GSAP: variants seen among roughly 807,000 people sequenced by gnomAD.
GSAP encodes gamma-secretase-activating protein.
In GSAP, 118 loss-of-function variants were observed where a neutral mutation model predicts 131.7. The observed-to-expected ratio is 0.90, with a 90% confidence interval of 0.77 to 1.04. GSAP has a LOEUF of 1.04. Ranked by LOEUF, GSAP falls within the 50% of genes least tolerant of loss-of-function variation. The pLI, the probability that GSAP is intolerant of heterozygous loss-of-function variation, is 0.00. For synonymous variants in GSAP, 381 were observed against 363.4 expected (o/e 1.05, Z -0.55); for missense variants, 1,019 against 1,013.2 (o/e 1.01, Z -0.08).
chr7:77,367,946 A>G (rs879767552), intron 12 of GSAP, among the ~76,000 whole-genome samples: 1 of 152,194 alleles, frequency 6.6e-6, no homozygotes, highest in Non-Finnish European at 1.5e-5. Flanking sequence ...GTTTGTGTCC[A>G]GGAATTTATC....
At chr7:77,321,238 C>T (rs1787600775) in intron 25 of GSAP, 95 bp downstream of exon 25, 2 of 773,904 alleles carry the variant, frequency 2.6e-6, no homozygotes, top group African/African-American at 3.4e-5. Context: ...CTGGTGAGAA[C>T]TGATTTGAAC....
chr7:77,353,084 C>T (rs1584437222), intron 17 of GSAP, 58 bp from the exon 18 acceptor site: 2 of 955,406 alleles, frequency 2.1e-6, no homozygotes, highest in East Asian at 4.8e-5. Flanking sequence ...AAGATGATGA[C>T]AGCATTGTAA....
In GSAP at chr7:77,322,185, T is replaced by C. The variant is rs182259217; in HGVS notation, c.1924-782A>G. ...CTTGATACAGATCCTCAGTTTCTCT[T>C]TGGCTGAAATTAAGTAAGTTAACAT... On this transcript the variant is annotated intron_variant, in intron 24 of 30. Coordinates refer to ENST00000257626, the MANE Select transcript of GSAP (RefSeq NM_017439.4). 4.6e-5 allele frequency among the ~76,000 whole-genome samples: 7 copies of C among 152,344 alleles called. No individual in the cohort carries two copies. In the East Asian group the frequency reaches 1.2e-3, roughly 25 times the overall value.
chr7:77,331,910 AAGAC>A (rs1380110270), intron 19 of GSAP: 2 of 151,838 alleles, frequency 1.3e-5, no homozygotes, highest in East Asian at 1.9e-4. Context: ...AAAAAAAAAA[AAGAC>A]AAGACAAATC....
chr7:77,406,795 G>A (rs1035169813), intron 1 of GSAP, among the ~76,000 whole-genome samples: 2 of 152,190 alleles, frequency 1.3e-5, no homozygotes, highest in African/African-American at 2.4e-5. Context: ...GCAGGATCAC[G>A]GATACAGGAG....
chr7:77,351,467 T>G (rs1349931290), intron 18 of GSAP: 66 of 974,714 alleles, frequency 6.8e-5, no homozygotes, highest in Non-Finnish European at 7.7e-5. Flanking sequence ...AATAAATGAT[T>G]TGCATCACAG....
chr7:77,360,068 C>G (rs888024415), intron 14 of GSAP, among the ~76,000 whole-genome samples: 1 of 152,186 alleles, frequency 6.6e-6, no homozygotes, highest in African/African-American at 2.4e-5. Flanking sequence ...CCTCACATTG[C>G]ACTCTCTCAA....
chr7:77,386,452 T>C (rs749245655), intron 6 of GSAP, among the ~76,000 whole-genome samples: 1 of 152,184 alleles, frequency 6.6e-6, no homozygotes, highest in Non-Finnish European at 1.5e-5. Context: ...AAGGATAAAT[T>C]CTTGGAAGCC....
chr7:77,332,323 A>ATTT (rs998187144), intron 19 of GSAP, among the ~76,000 whole-genome samples: 27 of 152,126 alleles, frequency 1.8e-4, no homozygotes, highest in African/African-American at 6.3e-4. Flanking sequence ...AGGTAGGCAC[A>ATTT]TTTTTCATAG....
At chr7:77,415,985 C>T in intron 1 of GSAP, 1 of 418,182 alleles carries the variant, frequency 2.4e-6, no homozygotes, top group Non-Finnish European at 4.3e-6. Context: ...GAGCCAGGCG[C>T]CTCAGGCCCC....
chr7:77,314,563 A>C, intron 26 of GSAP, 74 bp from the exon 27 acceptor site: 35 of 1,554,304 alleles, frequency 2.3e-5, no homozygotes, highest in African/African-American at 2.7e-5. Flanking sequence ...GGATTAGATC[A>C]TGTTAATAAA....
chr7:77,314,802 A>C (rs946580419), intron 26 of GSAP: 1 of 225,454 alleles, frequency 4.4e-6, no homozygotes, highest in Admixed American at 5.1e-5. Context: ...TAAGATAGCA[A>C]AAGAGTACAG....
chr7:77,339,379 G>C (rs1389592806), intron 19 of GSAP, among the ~76,000 whole-genome samples: 1 of 152,084 alleles, frequency 6.6e-6, no homozygotes, highest in Non-Finnish European at 1.5e-5. Context: ...GGGGTAGGTG[G>C]AGTTGGTCAA....
intron 8 of GSAP, among the ~76,000 whole-genome samples, 170 bp from the exon 9 acceptor site, chr7:77,377,560 T>C (rs1797136962): frequency 2.0e-5 from 3 of 152,196 alleles, no homozygotes; most frequent in Non-Finnish European, 2.9e-5. Context: ...TTTCCAGAAA[T>C]GTTTTAAGAC....
At chr7:77,375,856 A>C (rs1291180578) in intron 10 of GSAP, among the ~76,000 whole-genome samples, 1 of 151,540 alleles carries the variant, frequency 6.6e-6, no homozygotes, top group Non-Finnish European at 1.5e-5. Context: ...AAAAAAAAAA[A>C]AACAAACAAA....
At chr7:77,393,597 C>T (rs970505483) in intron 5 of GSAP, among the ~76,000 whole-genome samples, 5 of 152,014 alleles carry the variant, frequency 3.3e-5, no homozygotes, top group South Asian at 4.2e-4. Context: ...AAGTGAGTCA[C>T]GCTTGACTTG....
chr7:77,373,759 G>A (rs141952923), intron 12 of GSAP, among the ~76,000 whole-genome samples: 124 of 152,338 alleles, frequency 8.1e-4, no homozygotes, highest in Non-Finnish European at 1.5e-3. Context: ...ATCGCTGTTA[G>A]TCATTTGTTA....
In GSAP at chr7:77,312,207, T is replaced by G; in HGVS notation, c.2272-5A>C. ...ACAAATCTTCTGCCCAATAAGCTAT[T>G]ATGCAAATTGAAAAAAATGTAGCGA... On this transcript the variant is annotated splice_region_variant and splice_polypyrimidine_tract_variant and intron_variant, in intron 28 of 30. Coordinates refer to ENST00000257626, the MANE Select transcript of GSAP (RefSeq NM_017439.4). The G allele has an allele frequency of 6.6e-7, 1 of 1,513,134 alleles. No individual in the cohort carries two copies. Among genetic ancestry groups the G allele is most frequent in the South Asian group, 1.2e-5 (1 of 83,962 alleles). 93.7% of individuals were successfully genotyped at this position (1,513,134 alleles called of 1,614,324 possible).
chr7:77,353,105 A>T lies in GSAP; in HGVS notation c.1409-79T>A, dbSNP rs1445619102. Reference sequence around the variant, plus strand: ...ATGACAGCATTGTAATGCAACCAAAACACGCAAACCAACAAAGTTTTCATT... The same window carrying T: ...ATGACAGCATTGTAATGCAACCAAATCACGCAAACCAACAAAGTTTTCATT... On this transcript the variant is annotated intron_variant, in intron 17 of 30. Coordinates refer to ENST00000257626, the MANE Select transcript of GSAP (RefSeq NM_017439.4). 9.1e-6 allele frequency: 7 copies of T among 767,762 alleles called. No homozygotes were observed. The African/African-American group carries it at 1.2e-4, about 13-fold the overall frequency. 47.6% of individuals were successfully genotyped at this position (767,762 alleles called of 1,614,324 possible). A position where few individuals can be genotyped will look rare whatever the true frequency, so the allele number is the denominator to read the frequency against.
Sources: gnomAD v4.1 joint callset for allele counts (sites outside exome capture counted in the v4.1 genomes callset) on GRCh38, gnomAD v4.1.1 for gene constraint, MANE v1.5 for transcripts, NCBI Gene and HGNC (gene_info 2026-07-23, HGNC 2026-07-21) for gene names.